Variants in POLN observed in about 807,000 individuals in gnomAD.
POLN encodes DNA polymerase nu, also known as DNA polymerase N.
Under a neutral mutation model 113.5 loss-of-function variants are expected in POLN, and 108 were observed. That is an observed-to-expected ratio of 0.95 (90% confidence interval 0.81 to 1.12). The LOEUF (loss-of-function observed/expected upper bound fraction) is 1.12, where lower values mean the gene tolerates loss of function less well. Among genes scored for constraint, POLN ranks in the 50% most tolerant of loss-of-function variants. The pLI, the probability that POLN is intolerant of heterozygous loss-of-function variation, is 0.00. For missense variants in POLN, 1,097 were observed against 1,077.1 expected (o/e 1.02, Z -0.26); for synonymous variants, 386 against 391.5 (o/e 0.99, Z 0.17).
At chr4:2,090,817 G>A (rs568945151) in intron 20 of POLN, among the ~76,000 whole-genome samples, 5 of 152,336 alleles carry the variant, frequency 3.3e-5, no homozygotes, top group Non-Finnish European at 5.9e-5. Context: ...GTTGTTTGAA[G>A]TCTGTCCCAT....
At chr4:2,231,338 T>C (rs1418599055) in intron 2 of POLN, 1 of 152,352 alleles carries the variant, frequency 6.6e-6, no homozygotes, top group African/African-American at 2.4e-5. Context: ...TGGTGGCTCA[T>C]GCCTGTAATT....
chr4:2,241,989 G>A (rs915097436), intron 1 of POLN, 62 bp downstream of exon 1: 1 of 985,550 alleles, frequency 1.0e-6, no homozygotes, highest in Non-Finnish European at 1.2e-6. Context: ...TGCAGACGGG[G>A]ATCGCGGCCA....
intron 7 of POLN, among the ~76,000 whole-genome samples, chr4:2,188,505 G>A (rs1010368309): frequency 2.0e-5 from 3 of 152,000 alleles, no homozygotes; most frequent in African/African-American, 7.2e-5. Context: ...GGAGGCTGAG[G>A]CAGGAGAATG....
intron 5 of POLN, among the ~76,000 whole-genome samples, chr4:2,201,960 G>C (rs1733726636): frequency 6.6e-6 from 1 of 152,100 alleles, no homozygotes; most frequent in African/African-American, 2.4e-5. Flanking sequence ...GTCCTTTTCA[G>C]ACAAACAAAT....
chr4:2,206,227 C>T (rs992922469), intron 5 of POLN, among the ~76,000 whole-genome samples: 3 of 152,208 alleles, frequency 2.0e-5, no homozygotes, highest in Non-Finnish European at 4.4e-5. Context: ...CCTCATCTCT[C>T]ACCTTATACA....
chr4:2,110,100 C>T (rs1165809912), intron 19 of POLN, among the ~76,000 whole-genome samples: 1 of 152,180 alleles, frequency 6.6e-6, no homozygotes, highest in Non-Finnish European at 1.5e-5. Context: ...CAAAACCGCT[C>T]AACTACATGG....
At chr4:2,096,703 A>G (rs998468204) in intron 19 of POLN, among the ~76,000 whole-genome samples, 1 of 151,176 alleles carries the variant, frequency 6.6e-6, no homozygotes, top group African/African-American at 2.4e-5. Context: ...AGAGAGAGAG[A>G]GAGAGAGAGA....
intron 11 of POLN, among the ~76,000 whole-genome samples, chr4:2,172,547 C>G (rs1280348640): frequency 1.3e-5 from 2 of 152,210 alleles, no homozygotes; most frequent in African/African-American, 4.8e-5. Flanking sequence ...AATGCCTTGT[C>G]TAACTGCTTT....
At chr4:2,079,555 G>A in intron 23 of POLN, 2 of 985,662 alleles carry the variant, frequency 2.0e-6, no homozygotes, top group Non-Finnish European at 2.4e-6. Flanking sequence ...GCAGATGGCA[G>A]TGAGATGGGG....
intron 16 of POLN, among the ~76,000 whole-genome samples, chr4:2,142,930 C>T (rs1317879555): frequency 6.6e-6 from 1 of 151,546 alleles, no homozygotes; most frequent in African/African-American, 2.4e-5. Flanking sequence ...TATAAATCTC[C>T]AGCTGCCAGT....
At chr4:2,232,059 C>T in intron 2 of POLN, 1 of 1,584,712 alleles carries the variant, frequency 6.3e-7, no homozygotes, top group Non-Finnish European at 8.6e-7. Context: ...TATTATTTGC[C>T]AAAGTTTTTC....
chr4:2,081,881 G>T (rs995102468), intron 21 of POLN, 138 bp from the exon 22 acceptor site: 1 of 673,444 alleles, frequency 1.5e-6, no homozygotes, highest in African/African-American at 1.8e-5. Flanking sequence ...TGGGCCCTTC[G>T]GGTCTATCAT....
intron 16 of POLN, among the ~76,000 whole-genome samples, chr4:2,153,832 C>T (rs1389668837): frequency 2.0e-5 from 3 of 152,016 alleles, no homozygotes; most frequent in Non-Finnish European, 4.4e-5. Flanking sequence ...GATCCACCCA[C>T]CTCAGCCTCC....
At chr4:2,073,054 C>T (rs976138452) in intron 24 of POLN, 25 bp from the exon 25 acceptor site, 1 of 1,610,402 alleles carries the variant, frequency 6.2e-7, no homozygotes, top group Non-Finnish European at 8.5e-7. Flanking sequence ...AGAGAGGAGG[C>T]CCTGCTGGTC....
chr4:2,135,847 C>T (rs6858284), intron 16 of POLN, among the ~76,000 whole-genome samples: 8,549 of 152,264 alleles, frequency 0.056, 812 homozygotes, highest in African/African-American at 0.2. Flanking sequence ...CGTGCTAGCA[C>T]GCAGGGGAAC....
chr4:2,159,251 T>G, intron 13 of POLN, 40 bp from the exon 14 acceptor site: 1 of 1,467,776 alleles, frequency 6.8e-7, no homozygotes. Flanking sequence ...AATTCGTCCA[T>G]TTTAACATTT....
At chr4:2,112,099 G>C (rs946692663) in intron 19 of POLN, among the ~76,000 whole-genome samples, 2 of 152,288 alleles carry the variant, frequency 1.3e-5, no homozygotes, top group African/African-American at 4.8e-5. Context: ...ACAACTATCT[G>C]ATCTTTGACA....
chr4:2,167,484 C>T (rs1732757772), intron 13 of POLN, among the ~76,000 whole-genome samples: 1 of 152,202 alleles, frequency 6.6e-6, no homozygotes, highest in African/African-American at 2.4e-5. Flanking sequence ...CTCTAAACTA[C>T]ACTGCACAGG....
intron 23 of POLN, chr4:2,078,932 G>C (rs1330103196): frequency 5.1e-6 from 5 of 985,234 alleles, no homozygotes; most frequent in African/African-American, 1.7e-5. Context: ...AAAGTGAACC[G>C]ATTTTTTCTT....
Sources: allele counts gnomAD v4.1 joint callset (sites outside exome capture counted in the v4.1 genomes callset), GRCh38; gene constraint gnomAD v4.1.1; transcripts MANE v1.5; gene names NCBI Gene and HGNC (gene_info 2026-07-23, HGNC 2026-07-21).